The following VPS13B variants were observed in gnomAD, a reference collection of about 807,000 sequenced individuals.
VPS13B encodes vacuolar protein sorting 13 homolog B, also known as intermembrane lipid transfer protein VPS13B.
Under a neutral mutation model 426.4 loss-of-function variants are expected in VPS13B, and 285 were observed. That is an observed-to-expected ratio of 0.67 (90% CI 0.61 to 0.74). The LOEUF (loss-of-function observed/expected upper bound fraction) is 0.74, where lower values mean the gene tolerates loss of function less well. Ranked by LOEUF, VPS13B falls within the 30% of genes least tolerant of loss-of-function variation. The probability of loss-of-function intolerance (pLI) is 0.00; values close to 1 mark genes in which losing one functional copy is unlikely to be tolerated. For missense variants in VPS13B, 4,537 were observed against 4,782.6 expected (o/e 0.95, Z 1.51); for synonymous variants, 1,676 against 1,676.4 (o/e 1.00, Z 0.01).
chr8:99,199,486 TAA>T (rs1426241042), intron 17 of VPS13B, among the ~76,000 whole-genome samples: 1 of 152,120 alleles, frequency 6.6e-6, no homozygotes, highest in African/African-American at 2.4e-5. Context: ...CCATAATTTT[TAA>T]AGTCTACGTT....
chr8:99,015,506 G>A (rs923839632), intron 2 of VPS13B, among the ~76,000 whole-genome samples: 5 of 151,324 alleles, frequency 3.3e-5, no homozygotes, highest in Non-Finnish European at 7.4e-5. Flanking sequence ...ATGAGCCACC[G>A]CGCCTGGCCA....
intron 3 of VPS13B, among the ~76,000 whole-genome samples, chr8:99,086,536 T>C (rs1485482969): frequency 1.3e-5 from 2 of 152,236 alleles, no homozygotes; most frequent in African/African-American, 4.8e-5. Flanking sequence ...AGAGGTGCTC[T>C]GATTTTTAGA....
At chr8:99,693,775 A>C (rs1345359504) in intron 35 of VPS13B, among the ~76,000 whole-genome samples, 1 of 148,892 alleles carries the variant, frequency 6.7e-6, no homozygotes, top group African/African-American at 2.5e-5. Context: ...TGCAGACGAC[A>C]TGATTGTTTA....
rs188457078 is a variant in VPS13B, at chr8:99,575,640, T to A, written c.4950-18T>A. On this transcript the variant is annotated intron_variant, in intron 31 of 61. Coordinates refer to ENST00000357162, the MANE Select transcript of VPS13B (RefSeq NM_152564.5). The stretch of plus-strand genomic sequence containing the variant: ...GAAAATAATGAAATGGCTAATAATC[T>A]TTTACTCTATCTTTTAGCATACGGC... 1 of 1,613,542 alleles carries A rather than the reference T, an allele frequency of 6.2e-7. No individual in the cohort carries two copies. Among genetic ancestry groups the A allele is most frequent in the Admixed American group, 1.7e-5 (1 of 59,920 alleles).
At chr8:99,640,063 A>AGAAGAAGAAGAAGAAGAAGAAG (rs1233008721) in intron 33 of VPS13B, among the ~76,000 whole-genome samples, 3 of 103,046 alleles carry the variant, frequency 2.9e-5, no homozygotes, top group African/African-American at 1.1e-4. Flanking sequence ...AAAGAAAAGA[A>AGAAGAAGAAGAAGAAGAAGAAG]AAGAAAAGAA....
chr8:99,652,504 A>T (rs1829860781), intron 34 of VPS13B, among the ~76,000 whole-genome samples: 1 of 151,910 alleles, frequency 6.6e-6, no homozygotes, highest in African/African-American at 2.4e-5. Flanking sequence ...ATTTCAATGT[A>T]ATTCTAGCTA....
intron 24 of VPS13B, among the ~76,000 whole-genome samples, chr8:99,480,252 C>T (rs1376000337): frequency 6.6e-6 from 1 of 152,114 alleles, no homozygotes; most frequent in Non-Finnish European, 1.5e-5. Flanking sequence ...AATAAAAATA[C>T]GTTTAAAGTG....
At chr8:99,590,444 A>G (rs1227715772) in intron 33 of VPS13B, among the ~76,000 whole-genome samples, 1 of 152,000 alleles carries the variant, frequency 6.6e-6, no homozygotes, top group Admixed American at 6.5e-5. Flanking sequence ...TCAATTTTAG[A>G]TCTTTCCTGA....
At chr8:99,811,042 T>C (rs963074353) in intron 44 of VPS13B, among the ~76,000 whole-genome samples, 1 of 152,158 alleles carries the variant, frequency 6.6e-6, no homozygotes, top group Admixed American at 6.6e-5. Context: ...GCCCAGTAAG[T>C]GTATACTGGT....
At chr8:99,044,305 T>C (rs1047533945) in intron 3 of VPS13B, among the ~76,000 whole-genome samples, 1 of 151,588 alleles carries the variant, frequency 6.6e-6, no homozygotes, top group Non-Finnish European at 1.5e-5. Context: ...GGATGGTCTC[T>C]ATCTCCTGAC....
At chr8:99,102,875 A>C in intron 4 of VPS13B, 78 bp from the exon 5 acceptor site, 1 of 1,339,888 alleles carries the variant, frequency 7.5e-7, no homozygotes, top group Non-Finnish European at 1.1e-6. Flanking sequence ...CTCATACATT[A>C]AGTTCAATAA....
intron 35 of VPS13B, among the ~76,000 whole-genome samples, chr8:99,698,365 AC>A (rs1832120902): frequency 6.6e-6 from 1 of 151,938 alleles, no homozygotes; most frequent in Admixed American, 6.6e-5. Flanking sequence ...GAGAATGAGG[AC>A]CACGCGGACT....
chr8:99,361,845 C>G (rs575693692), intron 19 of VPS13B, among the ~76,000 whole-genome samples: 1 of 152,128 alleles, frequency 6.6e-6, no homozygotes, highest in Admixed American at 6.6e-5. Context: ...GTAGCTATTA[C>G]TTTTTAAGTT....
At chr8:99,516,417 G>T (rs1487023) in intron 29 of VPS13B, among the ~76,000 whole-genome samples, 1 of 152,076 alleles carries the variant, frequency 6.6e-6, no homozygotes, top group East Asian at 1.9e-4. Context: ...GTAAGTTGGA[G>T]TCAAGAGTAT....
At chr8:99,178,873 C>T (rs920027034) in intron 16 of VPS13B, among the ~76,000 whole-genome samples, 1 of 152,092 alleles carries the variant, frequency 6.6e-6, no homozygotes, top group South Asian at 2.1e-4. Context: ...CCACCCGCCT[C>T]GGCCTCCCAA....
intron 19 of VPS13B, among the ~76,000 whole-genome samples, chr8:99,302,297 T>C (rs1326633272): frequency 1.3e-5 from 2 of 152,230 alleles, no homozygotes; most frequent in Admixed American, 1.3e-4. Flanking sequence ...TTATGATGTG[T>C]GTTTTGTTTT....
intron 30 of VPS13B, among the ~76,000 whole-genome samples, chr8:99,547,344 C>G (rs1411700836): frequency 6.6e-6 from 1 of 152,044 alleles, no homozygotes; most frequent in Non-Finnish European, 1.5e-5. Flanking sequence ...CCTATTTACT[C>G]TCAAAATTAC....
chr8:99,814,577 C>G (rs1453619222), intron 44 of VPS13B, among the ~76,000 whole-genome samples: 2 of 152,130 alleles, frequency 1.3e-5, no homozygotes, highest in African/African-American at 4.8e-5. Context: ...AGCCTTTTAC[C>G]AGTCTTACCT....
At position 99,818,872 on chromosome 8, in the gene VPS13B, C is replaced by G. The variant is rs1448710192; in HGVS notation, c.8605C>G (p.Leu2869Val). Reference protein sequence around the residue: ...QNIEPDLVHHLTFQAREEYDP... With the variant: ...QNIEPDLVHHVTFQAREEYDP... Reference sequence around the variant, plus strand: ...CATAGAACCTGACCTTGTACATCACCTGACATTCCAAGCAAGGTACTAGAA... The same window carrying G: ...CATAGAACCTGACCTTGTACATCACGTGACATTCCAAGCAAGGTACTAGAA... The change falls in exon 47 of 62, where the codon CTG (leucine) becomes GTG (valine). Residue 2869 changes from leucine (L) to valine (V), a missense_variant. Physicochemically the swap from Leu to Val is conservative, Grantham distance 32. Transcript: ENST00000357162. The G allele has an allele frequency of 6.2e-7, 1 of 1,609,756 alleles. No individual in the cohort carries two copies. Among genetic ancestry groups the G allele is most frequent in the Admixed American group, 1.7e-5 (1 of 59,418 alleles).
Sources: gnomAD v4.1 joint callset for allele counts (sites outside exome capture counted in the v4.1 genomes callset) on GRCh38, gnomAD v4.1.1 for gene constraint, MANE v1.5 for transcripts, NCBI Gene and HGNC (gene_info 2026-07-23, HGNC 2026-07-21) for gene names.